The following ESR1 variants were observed in gnomAD, a reference collection of about 807,000 sequenced individuals.
ESR1 encodes the protein estrogen receptor.
In ESR1, 12 loss-of-function variants were observed where a neutral mutation model predicts 52.7. The ratio of observed to expected loss-of-function variants is 0.23; its 90% CI spans 0.15 to 0.37. The LOEUF (loss-of-function observed/expected upper bound fraction) is 0.37, where lower values mean the gene tolerates loss of function less well. ESR1 is among the 10% of genes least tolerant of loss of function. ESR1 has a pLI of 1.00. For missense variants in ESR1, 584 were observed against 779.7 expected, an observed-to-expected ratio of 0.75 and a Z score of 2.99; for synonymous variants, 305 against 316.8, an observed-to-expected ratio of 0.96 and a Z score of 0.39.
chr6:151,788,654 T>C (rs1689046377), intron 2 of ESR1, among the ~76,000 whole-genome samples: 1 of 152,186 alleles, frequency 6.6e-6, no homozygotes, highest in African/African-American at 2.4e-5. Flanking sequence ...CATACATGCA[T>C]ATGTTCATTG....
At chr6:151,933,625 T>C (rs2033984448) in intron 3 of ESR1, among the ~76,000 whole-genome samples, 1 of 152,184 alleles carries the variant, frequency 6.6e-6, no homozygotes, top group South Asian at 2.1e-4. Flanking sequence ...TTGACATACG[T>C]CCCATCAATA....
rs773374730 is a variant in ESR1 at position 151,900,520 on chromosome 6, G to GA, written c.760+19749_760+19750insA. Among the ~76,000 whole-genome samples the GA allele has an allele frequency of 3.9e-5, 6 of 152,062 alleles. No homozygotes were observed. In the East Asian group the frequency reaches 1.2e-3, roughly 29 times the overall value. ...TTTTTGAGGGGTATTAAAGAACCTT[G>GA]TTTTGTCGTATTACTGGGATTGTTT... On this transcript the variant is annotated intron_variant, in intron 3 of 7. Coordinates refer to ENST00000206249, the MANE Select transcript of ESR1 (RefSeq NM_000125.4).
chr6:151,662,960 G>A (rs61510869), intron 1 of ESR1, among the ~76,000 whole-genome samples: 4,004 of 152,266 alleles, frequency 0.026, 153 homozygotes, highest in African/African-American at 0.085. Context: ...TCTAACTCAG[G>A]AGACCTGATT....
rs73623103 is a variant in ESR1 at position 151,957,964 on chromosome 6, G to A, written c.1096+13456G>A. On this transcript the variant is annotated intron_variant, in intron 4 of 7. Coordinates refer to ENST00000206249, the MANE Select transcript of ESR1 (RefSeq NM_000125.4). ...GGGACAGGCTTACATTCTCAAGGTC[G>A]ACTCCTGGCCTAATGGGGCTACTGG... is the stretch of plus-strand genomic sequence containing the variant. 6.1e-3 allele frequency among the ~76,000 whole-genome samples: 928 copies of A among 152,264 alleles called. 9 individuals carry two copies. Among genetic ancestry groups the A allele is most frequent in the African/African-American group, 0.02 (822 of 41,558 alleles).
chr6:152,093,338 CTCTCTCTCTCTCTCTT>C lies in ESR1; in HGVS notation c.1370-1031_1370-1016del, dbSNP rs1042246797. Among the ~76,000 whole-genome samples, 81 of 139,936 alleles carry C rather than the reference CTCTCTCTCTCTCTCTT, an allele frequency of 5.8e-4. No individual in the cohort carries two copies. In the East Asian group the frequency reaches 8.6e-3, roughly 15 times the overall value. 91.8% of individuals were successfully genotyped at this position (139,936 alleles called of 152,430 possible). A position where few individuals can be genotyped will look rare whatever the true frequency, so the allele number is the denominator to read the frequency against. On this transcript the variant is annotated intron_variant, in intron 6 of 7. Coordinates refer to ENST00000206249, the MANE Select transcript of ESR1 (RefSeq NM_000125.4). The stretch of plus-strand genomic sequence containing the variant: ...TACTACCTACTACCTGGATCTCTCT[CTCTCTCTCTCTCTCTT>C]TCTCTCTCTCTCTCTCACCCCCCCA...
At position 151,763,140 on chromosome 6, in the gene ESR1, T is replaced by C. The variant is rs142836624; in HGVS notation, c.-70-44703T>C. On this transcript the variant is annotated intron_variant, in intron 2 of 2. Transcript: ENST00000404742. ...TTGCTAAGAGCAATTTATTGCCTTA[T>C]ATGTTGTGTAATATCTAGAAAACAC... Among the ~76,000 whole-genome samples the C allele has an allele frequency of 2.0e-3, 312 of 152,274 alleles. 1 individual carries two copies. Among genetic ancestry groups the C allele is most frequent in the African/African-American group, 7.1e-3 (295 of 41,556 alleles).
chr6:151,781,406 G>T (rs1047124231), intron 2 of ESR1, among the ~76,000 whole-genome samples: 1 of 152,224 alleles, frequency 6.6e-6, no homozygotes, highest in Non-Finnish European at 1.5e-5. Context: ...GAAGGTGGAG[G>T]CCTCATGGCC....
intron 3 of ESR1, among the ~76,000 whole-genome samples, chr6:151,928,480 T>C (rs2033094861): frequency 6.6e-6 from 1 of 152,108 alleles, no homozygotes; most frequent in African/African-American, 2.4e-5. Context: ...AAATTCAAAA[T>C]ACAGTTTCTA....
intron 6 of ESR1, among the ~76,000 whole-genome samples, chr6:152,093,632 C>G (rs1237901178): frequency 6.6e-6 from 1 of 152,144 alleles, no homozygotes; most frequent in Non-Finnish European, 1.5e-5. Flanking sequence ...GGGGCCCAGA[C>G]AGCAGGATCT....
chr6:151,844,378 G>A (rs370373123), intron 2 of ESR1, among the ~76,000 whole-genome samples: 23 of 152,270 alleles, frequency 1.5e-4, no homozygotes, highest in East Asian at 5.8e-4. Flanking sequence ...GTGAAAGAGC[G>A]TCTGACAGAG....
At chr6:152,034,878 A>C (rs1287154758) in intron 5 of ESR1, among the ~76,000 whole-genome samples, 1 of 152,224 alleles carries the variant, frequency 6.6e-6, no homozygotes, top group Non-Finnish European at 1.5e-5. Flanking sequence ...GAACTATCAC[A>C]TGGAACTTCA....
intron 2 of ESR1, among the ~76,000 whole-genome samples, chr6:151,857,736 C>G (rs1788121650): frequency 6.6e-6 from 1 of 151,992 alleles, no homozygotes; most frequent in South Asian, 2.1e-4. Flanking sequence ...ACCATGTTGG[C>G]CATGCTAGTC....
rs1012455765 is a variant in ESR1 at position 152,100,128 on chromosome 6, C to A, written c.*1162C>A. 1 of 398,654 alleles carries A rather than the reference C, an allele frequency of 2.5e-6. No individual in the cohort carries two copies. Among genetic ancestry groups the A allele is most frequent in the African/African-American group, 2.1e-5 (1 of 48,660 alleles). 24.7% of individuals were successfully genotyped at this position (398,654 alleles called of 1,614,324 possible). ...TGCAGCTACCTAGGAACATTCCTTG[C>A]AGACCCCGCATTGCCCTTTGGGGGT... On this transcript the variant is annotated 3_prime_UTR_variant, in exon 8 of 8. Coordinates refer to ENST00000206249, the MANE Select transcript of ESR1 (RefSeq NM_000125.4).
intron 3 of ESR1, among the ~76,000 whole-genome samples, chr6:151,897,099 C>A (rs990506665): frequency 1.3e-5 from 2 of 152,120 alleles, no homozygotes; most frequent in African/African-American, 4.8e-5. Context: ...TGTGGCATAT[C>A]ATATGGTCTA....
At chr6:151,674,023 T>A (rs184863480) in intron 1 of ESR1, among the ~76,000 whole-genome samples, 3,102 of 152,330 alleles carry the variant, frequency 0.02, 27 homozygotes, top group South Asian at 0.042. Context: ...TTCTTTTTTT[T>A]AAAATTTTAC....
exon 7 of ESR1, chr6:152,129,586 C>A (rs2054773251): frequency 6.7e-6 from 1 of 148,816 alleles, no homozygotes. Context: ...AAATTGTCTT[C>A]AAACCAAACC....
At chr6:151,994,401 A>G (rs1011085900) in intron 4 of ESR1, among the ~76,000 whole-genome samples, 4 of 152,226 alleles carry the variant, frequency 2.6e-5, no homozygotes, top group East Asian at 1.9e-4. Context: ...AATTTGCAGT[A>G]AACTGTCCAA....
intron 4 of ESR1, among the ~76,000 whole-genome samples, chr6:151,980,459 G>GT (rs36115869): frequency 1.3e-5 from 2 of 151,964 alleles, no homozygotes; most frequent in East Asian, 1.9e-4. Flanking sequence ...AACAACATAT[G>GT]TTTTTTCCTA....
At chr6:151,987,568 TC>T (rs1422717850) in intron 4 of ESR1, among the ~76,000 whole-genome samples, 3 of 151,836 alleles carry the variant, frequency 2.0e-5, no homozygotes, top group Admixed American at 6.6e-5. Flanking sequence ...GCTCCACCCA[TC>T]CCCCCTGCAG....
Sources: gnomAD v4.1 joint callset for allele counts (sites outside exome capture counted in the v4.1 genomes callset) on GRCh38, gnomAD v4.1.1 for gene constraint, MANE v1.5 for transcripts, NCBI Gene and HGNC (gene_info 2026-07-23, HGNC 2026-07-21) for gene names.